CCDC122: variants seen among roughly 807,000 people sequenced by gnomAD.
CCDC122 encodes the protein coiled-coil domain containing 122.
In CCDC122, 38 loss-of-function variants were observed where a neutral mutation model predicts 37.0. The observed-to-expected ratio is 1.03, with a 90% CI of 0.79 to 1.35. CCDC122 has a LOEUF of 1.35. CCDC122 is among the 40% of genes most tolerant of loss of function. CCDC122 has a pLI of 0.00. For synonymous variants in CCDC122, 83 were observed against 95.6 expected (o/e 0.87, Z 0.77); for missense variants, 305 against 310.0 (o/e 0.98, Z 0.12).
At chr13:43,850,686 A>G (rs563685133) in intron 6 of CCDC122, among the ~76,000 whole-genome samples, 8 of 152,212 alleles carry the variant, frequency 5.3e-5, no homozygotes, top group Non-Finnish European at 7.3e-5. Context: ...TTATGAAACT[A>G]TAACAAAAGA....
intron 6 of CCDC122, among the ~76,000 whole-genome samples, chr13:43,857,811 G>GA: frequency 6.6e-6 from 1 of 152,138 alleles, no homozygotes; most frequent in South Asian, 2.1e-4. Flanking sequence ...GCTGAGATGG[G>GA]AAAATCGCTG....
chr13:43,842,563 A>G (rs1290669192), intron 6 of CCDC122, among the ~76,000 whole-genome samples: 1 of 151,728 alleles, frequency 6.6e-6, no homozygotes, highest in Non-Finnish European at 1.5e-5. Flanking sequence ...ATTCCTGGAA[A>G]AAATACTTAG....
chr13:43,842,977 T>C (rs1953405837), intron 6 of CCDC122, among the ~76,000 whole-genome samples: 1 of 152,124 alleles, frequency 6.6e-6, no homozygotes, highest in Admixed American at 6.5e-5. Context: ...AATGACAGTT[T>C]TACTTTTTTC....
chr13:43,859,292 G>A (rs1332426852), intron 5 of CCDC122, among the ~76,000 whole-genome samples: 1 of 152,126 alleles, frequency 6.6e-6, no homozygotes, highest in Non-Finnish European at 1.5e-5. Flanking sequence ...TATATTGCTT[G>A]CATAACACCA....
At chr13:43,873,275 G>A (rs903152596) in intron 2 of CCDC122, among the ~76,000 whole-genome samples, 1 of 152,046 alleles carries the variant, frequency 6.6e-6, no homozygotes, top group African/African-American at 2.4e-5. Flanking sequence ...CTTTTGAGCT[G>A]TAGACTCATA....
intron 6 of CCDC122, among the ~76,000 whole-genome samples, chr13:43,846,241 A>C (rs1200030586): frequency 6.6e-6 from 1 of 151,912 alleles, no homozygotes; most frequent in Admixed American, 6.6e-5. Context: ...CGCCCGGCTA[A>C]TTTTTGTATT....
At chr13:43,862,624 C>T (rs1954144186) in intron 4 of CCDC122, among the ~76,000 whole-genome samples, 1 of 152,130 alleles carries the variant, frequency 6.6e-6, no homozygotes, top group Non-Finnish European at 1.5e-5. Flanking sequence ...ACCATCTTCC[C>T]ACTGCTTAAA....
In CCDC122 at chr13:43,847,963, C is replaced by T. The variant is rs555867846; in HGVS notation, c.673-10534G>A. Among the ~76,000 whole-genome samples, 9 of 152,224 alleles carry T rather than the reference C, an allele frequency of 5.9e-5. No homozygotes were observed. In the East Asian group the frequency reaches 1.7e-3, roughly 29 times the overall value. The stretch of plus-strand genomic sequence containing the variant: ...CTAATTTTTGTATTTTTAGTAGAGA[C>T]AGTGTTTTGCCATGCTGTCCAGGCT... On this transcript the variant is annotated intron_variant, in intron 6 of 6. Coordinates refer to ENST00000444614, the MANE Select transcript of CCDC122 (RefSeq NM_144974.5).
chr13:43,877,640 C>T (rs1954665974), intron 1 of CCDC122: 1 of 152,134 alleles, frequency 6.6e-6, no homozygotes, highest in South Asian at 2.1e-4. Flanking sequence ...CAAAAAGTAG[C>T]AGTTAGGCAT....
At chr13:43,864,585 G>T (rs1309829523) in intron 4 of CCDC122, among the ~76,000 whole-genome samples, 8 of 152,054 alleles carry the variant, frequency 5.3e-5, no homozygotes, top group Non-Finnish European at 1.0e-4. Flanking sequence ...GCTCTCAGGG[G>T]AACTAATAGA....
At chr13:43,856,399 G>T (rs1953906694) in intron 6 of CCDC122, 1 of 152,316 alleles carries the variant, frequency 6.6e-6, no homozygotes, top group Non-Finnish European at 1.5e-5. Context: ...GGGAGGCCGA[G>T]GCGGGTGGAT....
At chr13:43,857,898 G>T (rs149742314) in intron 6 of CCDC122, among the ~76,000 whole-genome samples, 1 of 151,884 alleles carries the variant, frequency 6.6e-6, no homozygotes, top group South Asian at 2.1e-4. Flanking sequence ...GCAAGACTCC[G>T]TCTCAAAAAT....
In CCDC122 at chr13:43,878,360, T is replaced by C. The variant is rs536799899; in HGVS notation, c.-200+1271A>G. On this transcript the variant is annotated intron_variant, in intron 1 of 6. Coordinates refer to ENST00000444614, the MANE Select transcript of CCDC122 (RefSeq NM_144974.5). The stretch of plus-strand genomic sequence containing the variant: ...GTGTACCATCTACCGCTCGGGGCTC[T>C]TTAACAAATGACCAAAGAAAACATG... Among the ~76,000 whole-genome samples the C allele has an allele frequency of 3.3e-5, 5 of 152,288 alleles. No homozygotes were observed. The South Asian group carries it at 1.0e-3, about 32-fold the overall frequency.
chr13:43,842,381 C>T (rs1167454736), intron 6 of CCDC122, among the ~76,000 whole-genome samples: 1 of 151,906 alleles, frequency 6.6e-6, no homozygotes, highest in African/African-American at 2.4e-5. Flanking sequence ...CTATTCTGTT[C>T]CATTGGTCTA....
chr13:43,869,764 A>G (rs967626543), intron 2 of CCDC122, among the ~76,000 whole-genome samples: 5 of 152,098 alleles, frequency 3.3e-5, no homozygotes, highest in Non-Finnish European at 7.4e-5. Context: ...TATACACTGC[A>G]TAATTATTTT....
At chr13:43,876,578 T>A (rs1369509069) in intron 1 of CCDC122, among the ~76,000 whole-genome samples, 1 of 152,222 alleles carries the variant, frequency 6.6e-6, no homozygotes, top group African/African-American at 2.4e-5. Flanking sequence ...AATTCCCATA[T>A]CATGCTAGGA....
chr13:43,875,208 G>A (rs942678122), intron 1 of CCDC122, among the ~76,000 whole-genome samples: 1 of 152,154 alleles, frequency 6.6e-6, no homozygotes, highest in Middle Eastern at 3.2e-3. Flanking sequence ...TAGACCTTTG[G>A]TGAAATCCAG....
downstream of CCDC122, among the ~76,000 whole-genome samples, chr13:43,822,296 G>A (rs1007416092): frequency 1.3e-5 from 2 of 152,224 alleles, no homozygotes; most frequent in Non-Finnish European, 1.5e-5. Context: ...TCACTTTCCC[G>A]CAAATGGAGT....
intron 4 of CCDC122, among the ~76,000 whole-genome samples, chr13:43,862,097 T>G (rs1221477190): frequency 1.3e-5 from 2 of 152,194 alleles, no homozygotes; most frequent in Admixed American, 6.5e-5. Context: ...AAGAATCTTT[T>G]CAAAACATAA....
Sources: gnomAD v4.1 joint callset for allele counts (sites outside exome capture counted in the v4.1 genomes callset) on GRCh38, gnomAD v4.1.1 for gene constraint, MANE v1.5 for transcripts, NCBI Gene and HGNC (gene_info 2026-07-23, HGNC 2026-07-21) for gene names.